Variants in RORA observed in about 807,000 individuals in gnomAD.
RORA encodes nuclear receptor ROR-alpha.
RORA carries 7 observed loss-of-function variants against 69.5 expected under a neutral mutation model. That is an observed-to-expected ratio of 0.10 (90% confidence interval 0.06 to 0.19). The LOEUF (loss-of-function observed/expected upper bound fraction) is 0.19. Among genes scored for constraint, RORA ranks in the 10% least tolerant of loss-of-function variants. The probability of loss-of-function intolerance (pLI) is 1.00; values close to 1 mark genes in which losing one functional copy is unlikely to be tolerated. For synonymous variants in RORA, 261 were observed against 240.8 expected (o/e 1.08, Z -0.78); for missense variants, 457 against 663.0 (o/e 0.69, Z 3.41).
intron 1 of RORA, among the ~76,000 whole-genome samples, chr15:60,879,440 A>T (rs2073654995): frequency 6.6e-6 from 1 of 152,210 alleles, no homozygotes; most frequent in Non-Finnish European, 1.5e-5. Flanking sequence ...CACACAATCA[A>T]TGCTAGAAAT....
intron 1 of RORA, among the ~76,000 whole-genome samples, chr15:60,902,925 A>G (rs971882081): frequency 3.3e-5 from 5 of 152,344 alleles, no homozygotes; most frequent in Non-Finnish European, 7.4e-5. Context: ...ATAAATGCTC[A>G]CGTTTATTAG....
intron 1 of RORA, among the ~76,000 whole-genome samples, chr15:61,075,718 C>A (rs952610227): frequency 6.6e-6 from 1 of 152,206 alleles, no homozygotes; most frequent in Admixed American, 6.5e-5. Context: ...TAGAGCAGAG[C>A]TGTGCCTTGA....
At chr15:61,095,978 T>C (rs1322341065) in intron 1 of RORA, among the ~76,000 whole-genome samples, 1 of 152,178 alleles carries the variant, frequency 6.6e-6, no homozygotes, top group East Asian at 1.9e-4. Context: ...TATTTGATCA[T>C]TGATAGGGGG....
intron 1 of RORA, among the ~76,000 whole-genome samples, chr15:60,909,290 C>A (rs1404592932): frequency 6.6e-6 from 1 of 152,208 alleles, no homozygotes; most frequent in African/African-American, 2.4e-5. Context: ...AGACTCCCAG[C>A]TGAGCTGAGC....
chr15:61,026,532 C>A (rs1420282739), intron 1 of RORA, among the ~76,000 whole-genome samples: 1 of 152,148 alleles, frequency 6.6e-6, no homozygotes, highest in African/African-American at 2.4e-5. Flanking sequence ...CCCTGGCCTG[C>A]AATCTTTGAC....
At chr15:60,542,566 C>CAG (rs1479019698) in intron 2 of RORA, among the ~76,000 whole-genome samples, 1 of 129,320 alleles carries the variant, frequency 7.7e-6, no homozygotes, top group African/African-American at 4.5e-5. Context: ...ACCTCACACA[C>CAG]ACGGCACGCA....
intron 2 of RORA, among the ~76,000 whole-genome samples, chr15:60,639,842 T>C (rs2140671623): frequency 6.6e-6 from 1 of 152,220 alleles, no homozygotes; most frequent in Admixed American, 6.5e-5. Context: ...TATAATGACA[T>C]GGGAAGATGT....
intron 1 of RORA, among the ~76,000 whole-genome samples, chr15:61,139,308 C>T (rs549750782): frequency 2.0e-5 from 3 of 152,164 alleles, no homozygotes; most frequent in Non-Finnish European, 4.4e-5. Context: ...AGCTACCTCA[C>T]CAATCACCAT....
intron 1 of RORA, among the ~76,000 whole-genome samples, chr15:60,859,618 A>G (rs2140423474): frequency 7.0e-6 from 1 of 143,870 alleles, no homozygotes; most frequent in East Asian, 2.0e-4. Context: ...TAGCAACACG[A>G]CACCCGGGTT....
rs1327913719 is a variant in RORA at position 60,531,536 on chromosome 15, G to A, written c.282+230C>T. 1 of 444,758 alleles carries A rather than the reference G, an allele frequency of 2.2e-6. No homozygotes were observed. The highest frequency in any genetic ancestry group is 3.9e-6 in the Non-Finnish European group (1 of 256,492). 27.6% of individuals were successfully genotyped at this position (444,758 alleles called of 1,614,324 possible). On this transcript the variant is annotated intron_variant, in intron 3 of 10. Transcript: ENST00000335670. The surrounding 1 kb of genome is among the most constrained non-coding windows in gnomAD (Gnocchi z 4.8). Reference sequence around the variant, plus strand: ...CTCTGGGGTTGAAAGTGATAAACAAGCAATGCTCAAATACCTTTTTGTAAT... The same window carrying A: ...CTCTGGGGTTGAAAGTGATAAACAAACAATGCTCAAATACCTTTTTGTAAT...
In RORA at chr15:60,839,586, A is replaced by G. The variant is rs145811026; in HGVS notation, c.167-160900T>C. ...CAGCAATCACACCCTTACTCACTGCATTATATCAATGCACATCTGTACAGT... is the reference window on the plus strand; with the variant it reads ...CAGCAATCACACCCTTACTCACTGCGTTATATCAATGCACATCTGTACAGT... On this transcript the variant is annotated intron_variant, in intron 1 of 10. Coordinates refer to ENST00000335670, the MANE Select transcript of RORA (RefSeq NM_134261.3). Among the ~76,000 whole-genome samples, 28 of 152,342 alleles carry G rather than the reference A, an allele frequency of 1.8e-4. No individual in the cohort carries two copies. In the East Asian group the frequency reaches 5.4e-3, roughly 29 times the overall value.
chr15:61,040,725 T>A (rs1361177741), intron 1 of RORA, among the ~76,000 whole-genome samples: 1 of 152,114 alleles, frequency 6.6e-6, no homozygotes, highest in Non-Finnish European at 1.5e-5. Flanking sequence ...ATAAAATGAA[T>A]GAAAGGATGG....
chr15:60,949,762 A>T (rs928824260), intron 1 of RORA, among the ~76,000 whole-genome samples: 1 of 152,150 alleles, frequency 6.6e-6, no homozygotes, highest in East Asian at 1.9e-4. Flanking sequence ...GCTCCTCCTT[A>T]TATCTTTATC....
At chr15:61,202,331 G>A (rs186734765) in intron 1 of RORA, among the ~76,000 whole-genome samples, 97 of 152,220 alleles carry the variant, frequency 6.4e-4, no homozygotes, top group African/African-American at 2.2e-3. Context: ...GATCTTAATA[G>A]TTACCTGCAG....
chr15:60,561,376 T>C (rs948613979), intron 2 of RORA, among the ~76,000 whole-genome samples: 1 of 151,986 alleles, frequency 6.6e-6, no homozygotes, highest in Non-Finnish European at 1.5e-5. Flanking sequence ...CCACCGCGCC[T>C]GGCCAACTTG....
At chr15:60,533,323 A>G (rs1394456625) in intron 2 of RORA, among the ~76,000 whole-genome samples, 1 of 152,144 alleles carries the variant, frequency 6.6e-6, no homozygotes, top group Non-Finnish European at 1.5e-5. Flanking sequence ...TATACTCTGG[A>G]GGCTTTCTAA....
chr15:60,569,138 G>A (rs1353034450), intron 2 of RORA, among the ~76,000 whole-genome samples: 1 of 151,618 alleles, frequency 6.6e-6, no homozygotes, highest in Non-Finnish European at 1.5e-5. Flanking sequence ...ATTAATCAAC[G>A]AAAGTGCCTT....
intron 1 of RORA, among the ~76,000 whole-genome samples, chr15:61,167,068 G>A (rs1339086439): frequency 6.6e-6 from 1 of 152,034 alleles, no homozygotes; most frequent in Non-Finnish European, 1.5e-5. Flanking sequence ...TCACAGAATC[G>A]GCTGCACCCC....
At chr15:60,873,596 C>A (rs1276568749) in intron 1 of RORA, among the ~76,000 whole-genome samples, 2 of 151,962 alleles carry the variant, frequency 1.3e-5, no homozygotes, top group African/African-American at 4.8e-5. Flanking sequence ...TGACTAAGTA[C>A]CAGATAATGA....
Sources: allele counts gnomAD v4.1 joint callset (sites outside exome capture counted in the v4.1 genomes callset), GRCh38; gene constraint gnomAD v4.1.1; non-coding constraint Gnocchi (gnomAD v3.1); transcripts MANE v1.5; gene names NCBI Gene and HGNC (gene_info 2026-07-23, HGNC 2026-07-21).